The following PCDH9 variants were observed in gnomAD, a reference collection of about 807,000 sequenced individuals.
The protein encoded by PCDH9 is protocadherin-9.
In PCDH9, 24 loss-of-function variants were observed where a neutral mutation model predicts 70.6. The ratio of observed to expected loss-of-function variants is 0.34; its 90% confidence interval spans 0.25 to 0.48. The LOEUF (loss-of-function observed/expected upper bound fraction) is 0.48, where lower values mean the gene tolerates loss of function less well. Among genes scored for constraint, PCDH9 ranks in the 20% least tolerant of loss-of-function variants. The probability of loss-of-function intolerance (pLI) is 0.99; values close to 1 mark genes in which losing one functional copy is unlikely to be tolerated. For synonymous variants in PCDH9, 562 were observed against 558.5 expected (o/e 1.01, Z -0.09); for missense variants, 1,281 against 1,503.6 (o/e 0.85, Z 2.45).
At chr13:67,002,556 TTC>T (rs960725613) in intron 2 of PCDH9, among the ~76,000 whole-genome samples, 12 of 151,188 alleles carry the variant, frequency 7.9e-5, no homozygotes, top group African/African-American at 2.7e-4. Flanking sequence ...CATTTCTCAT[TTC>T]TCTTTTTTAA....
At chr13:66,637,448 A>G (rs560929490) in intron 3 of PCDH9, among the ~76,000 whole-genome samples, 2 of 152,294 alleles carry the variant, frequency 1.3e-5, no homozygotes, top group Admixed American at 6.5e-5. Flanking sequence ...GCACTTTTCT[A>G]GTGGTAATAA....
chr13:66,351,817 A>G (rs1956295755), intron 4 of PCDH9, among the ~76,000 whole-genome samples: 1 of 149,508 alleles, frequency 6.7e-6, no homozygotes, highest in African/African-American at 2.4e-5. Context: ...CACCTTACAC[A>G]TTCCTTTTTT....
chr13:66,316,357 T>G (rs1021975925), intron 4 of PCDH9, among the ~76,000 whole-genome samples: 2 of 152,220 alleles, frequency 1.3e-5, no homozygotes, highest in African/African-American at 4.8e-5. Flanking sequence ...TAACACAGTA[T>G]TTAAAGCAGA....
intron 3 of PCDH9, among the ~76,000 whole-genome samples, chr13:66,654,584 T>C (rs1387074050): frequency 6.6e-6 from 1 of 152,182 alleles, no homozygotes. Context: ...ATGTACCCTA[T>C]AAATATGTGC....
chr13:66,705,290 A>T (rs1476920504), intron 3 of PCDH9, among the ~76,000 whole-genome samples: 1 of 152,188 alleles, frequency 6.6e-6, no homozygotes, highest in East Asian at 1.9e-4. Context: ...TGTAGCATAT[A>T]AACTGCTGCT....
At chr13:66,665,867 A>G (rs912217934) in intron 3 of PCDH9, among the ~76,000 whole-genome samples, 1 of 152,098 alleles carries the variant, frequency 6.6e-6, no homozygotes, top group African/African-American at 2.4e-5. Flanking sequence ...GTAGGAAATT[A>G]TTCTCCACTA....
intron 2 of PCDH9, among the ~76,000 whole-genome samples, chr13:67,161,268 T>G (rs2087951357): frequency 6.6e-6 from 1 of 152,086 alleles, no homozygotes. Context: ...CAGACAAACC[T>G]CCCAGTTAAT....
At chr13:66,851,057 A>G (rs529033985) in intron 3 of PCDH9, among the ~76,000 whole-genome samples, 4 of 152,354 alleles carry the variant, frequency 2.6e-5, no homozygotes, top group African/African-American at 9.6e-5. Flanking sequence ...AGGTTCTTCT[A>G]ACGCCTTTTG....
At chr13:66,571,418 T>C (rs182153262) in intron 4 of PCDH9, among the ~76,000 whole-genome samples, 1 of 152,134 alleles carries the variant, frequency 6.6e-6, no homozygotes, top group East Asian at 1.9e-4. Context: ...TGGAAAATTA[T>C]AATGGCCATA....
chr13:66,352,186 GTTACACAATGAAACAGTCTCAAAAAAGC>G (rs1452110424), intron 4 of PCDH9, among the ~76,000 whole-genome samples: 1 of 152,090 alleles, frequency 6.6e-6, no homozygotes, highest in Non-Finnish European at 1.5e-5. Flanking sequence ...TATCATCAGT[GTTACACAATGAAACAGTCTCAAAAAAGC>G]TTATTAACTT....
intron 2 of PCDH9, among the ~76,000 whole-genome samples, chr13:67,053,714 G>A (rs956428974): frequency 2.8e-4 from 42 of 152,200 alleles, no homozygotes; most frequent in Non-Finnish European, 5.6e-4. Flanking sequence ...AGACAAGTTG[G>A]CATTTACATT....
At chr13:66,376,868 A>G (rs954620413) in intron 4 of PCDH9, among the ~76,000 whole-genome samples, 2 of 152,210 alleles carry the variant, frequency 1.3e-5, no homozygotes, top group Non-Finnish European at 2.9e-5. Context: ...ACATGTTTAA[A>G]TTGAAATGTT....
In PCDH9 at chr13:66,870,240, C is replaced by T. The variant is rs556786927; in HGVS notation, c.3138+33264G>A. Among the ~76,000 whole-genome samples the T allele has an allele frequency of 4.6e-5, 7 of 152,084 alleles. 1 individual carries two copies. The South Asian group carries it at 6.2e-4, about 14-fold the overall frequency. ...CAAATATCAGATAGTTGTAGATATG[C>T]GGTGTTATTTCTGAGGGCTCTGTTC... On this transcript the variant is annotated intron_variant, in intron 3 of 4. Transcript: ENST00000377865.
chr13:66,807,628 T>TA (rs1191349115), intron 3 of PCDH9, among the ~76,000 whole-genome samples: 2 of 151,750 alleles, frequency 1.3e-5, no homozygotes, highest in Non-Finnish European at 2.9e-5. Flanking sequence ...ATGCACAGCA[T>TA]AAAAAACACT....
chr13:66,918,556 G>A (rs981416327), intron 2 of PCDH9, among the ~76,000 whole-genome samples: 6 of 151,114 alleles, frequency 4.0e-5, no homozygotes, highest in Non-Finnish European at 7.4e-5. Flanking sequence ...TAAAATGAAT[G>A]TATCTTAATT....
At chr13:66,562,975 C>A (rs1309574830) in intron 4 of PCDH9, among the ~76,000 whole-genome samples, 2 of 151,706 alleles carry the variant, frequency 1.3e-5, no homozygotes, top group African/African-American at 4.8e-5. Flanking sequence ...TATAGTAATA[C>A]CCCAAAGAAA....
chr13:66,416,857 C>T (rs1039666268), intron 4 of PCDH9, among the ~76,000 whole-genome samples: 1 of 152,122 alleles, frequency 6.6e-6, no homozygotes, highest in African/African-American at 2.4e-5. Flanking sequence ...TATTAGGAGA[C>T]ACATCCTGAG....
At chr13:67,173,579 A>G (rs2088359355) in intron 2 of PCDH9, among the ~76,000 whole-genome samples, 1 of 152,190 alleles carries the variant, frequency 6.6e-6, no homozygotes, top group Non-Finnish European at 1.5e-5. Flanking sequence ...AAAAGTCTGG[A>G]ATGGTGAACT....
intron 2 of PCDH9, among the ~76,000 whole-genome samples, chr13:66,918,844 C>T (rs1012336733): frequency 6.6e-5 from 10 of 151,130 alleles, no homozygotes; most frequent in African/African-American, 1.9e-4. Flanking sequence ...CTTACTTGTG[C>T]TTTCAACCTT....
Sources: gnomAD v4.1 joint callset for allele counts (sites outside exome capture counted in the v4.1 genomes callset) on GRCh38, gnomAD v4.1.1 for gene constraint, MANE v1.5 for transcripts, NCBI Gene and HGNC (gene_info 2026-07-23, HGNC 2026-07-21) for gene names.